KCNC3: variants seen among roughly 807,000 people sequenced by gnomAD.
KCNC3 encodes voltage-gated potassium channel KCNC3.
KCNC3 carries 22 observed loss-of-function variants against 43.9 expected under a neutral mutation model. The observed-to-expected ratio is 0.50, with a 90% CI of 0.36 to 0.72. The LOEUF (loss-of-function observed/expected upper bound fraction) is 0.72. Among genes scored for constraint, KCNC3 ranks in the 30% least tolerant of loss-of-function variants. KCNC3 has a pLI of 0.00. For synonymous variants in KCNC3, 492 were observed against 488.0 expected, an observed-to-expected ratio of 1.01 and a Z score of -0.11; for missense variants, 829 against 1,073.8, an observed-to-expected ratio of 0.77 and a Z score of 3.19.
At position 50,323,963 on chromosome 19, in the gene KCNC3, G is replaced by A. The variant is rs146772778; in HGVS notation, c.990C>T (p.Pro330=). 303 of 1,613,592 alleles carry A rather than the reference G, an allele frequency of 1.9e-4. No homozygotes were observed. The African/African-American group carries it at 2.1e-3, about 11-fold the overall frequency. ...NKTVTQASPI[P]GAPPENITNV... ...TGGTGATGTTCTCCGGAGGTGCCCC[G>A]GGGATCGGGGAGGCCTGGGTCACCG... The change falls in exon 2 of 5, where the codon CCC becomes CCT. Residue 330 remains proline, a synonymous_variant. Transcript: ENST00000477616.
In KCNC3 at chr19:50,315,384, ACTGGTCCCCTCAC is replaced by A. The variant is rs1430388407; in HGVS notation, c.*718_*730del. The A allele has an allele frequency of 6.6e-6, 1 of 151,358 alleles. No individual in the cohort carries two copies. The highest frequency in any genetic ancestry group is 2.4e-5 in the African/African-American group (1 of 41,022). 9.4% of individuals were successfully genotyped at this position (151,358 alleles called of 1,614,324 possible). A position where few individuals can be genotyped will look rare whatever the true frequency, so the allele number is the denominator to read the frequency against. On this transcript the variant is annotated 3_prime_UTR_variant, in exon 5 of 5. Transcript: ENST00000477616. The stretch of plus-strand genomic sequence containing the variant: ...CAGTCCACCGCCCTTCCCCCCCTCC[ACTGGTCCCCTCAC>A]CTGAGGCAAAAGGTGGGGGGCAGCA...
chr19:50,321,050 G>A (rs1006196152), intron 2 of KCNC3, among the ~76,000 whole-genome samples: 2 of 151,774 alleles, frequency 1.3e-5, no homozygotes, highest in Non-Finnish European at 2.9e-5. Context: ...GTTGGGAAGG[G>A]TGGTCTGGAC....
At chr19:50,326,324 C>G (rs892604787) in intron 1 of KCNC3, among the ~76,000 whole-genome samples, 4 of 152,260 alleles carry the variant, frequency 2.6e-5, no homozygotes, top group African/African-American at 4.8e-5. Context: ...AAGGGCGCCC[C>G]GGCCATGGGG....
At chr19:50,322,018 G>A (rs376293360) in intron 2 of KCNC3, among the ~76,000 whole-genome samples, 10 of 152,006 alleles carry the variant, frequency 6.6e-5, no homozygotes, top group African/African-American at 2.2e-4. Flanking sequence ...GATGGGAGGT[G>A]GGACGTGGGG....
At position 50,314,842 on chromosome 19, in the gene KCNC3, G is replaced by C; in HGVS notation, c.*1273C>G. 2.9e-6 allele frequency: 1 copy of C among 347,162 alleles called. No homozygotes were observed. 21.5% of individuals were successfully genotyped at this position (347,162 alleles called of 1,614,324 possible). A position where few individuals can be genotyped will look rare whatever the true frequency, so the allele number is the denominator to read the frequency against. ...GTCACCCCCGAGTCCCCCCACAGGG[G>C]GGAGGGGAGCGCTAAAGGATGGAGG... is the stretch of plus-strand genomic sequence containing the variant. On this transcript the variant is annotated 3_prime_UTR_variant, in exon 5 of 5. Transcript: ENST00000477616.
Position 50,315,862 on chromosome 19 carries a change from G to GGCT in KCNC3, c.*250_*252dup, listed in dbSNP as rs74823908. On this transcript the variant is annotated 3_prime_UTR_variant, in exon 5 of 5. Coordinates refer to ENST00000477616, the MANE Select transcript of KCNC3 (RefSeq NM_004977.3). ...TGTGTGTGGTTTCTGCAAAGCCTGG[G>GGCT]GCTGCCTGCAGGGTTCTGCACCCCC... 23,740 of 317,706 alleles carry GGCT rather than the reference G, an allele frequency of 0.075. 1,051 individuals are homozygous for GGCT. Among genetic ancestry groups the GGCT allele is most frequent in the Middle Eastern group, 0.096 (192 of 2,004 alleles). The allele number at this position is 317,706 out of a possible 1,614,324, so 19.7% of individuals were successfully genotyped here.
chr19:50,327,096 A>C (rs1006101923), intron 1 of KCNC3, among the ~76,000 whole-genome samples: 2 of 150,322 alleles, frequency 1.3e-5, no homozygotes, highest in South Asian at 4.3e-4. Context: ...TTAGACTAGG[A>C]AACGGGCTGT....
At position 50,328,767 on chromosome 19, in the gene KCNC3, G is replaced by C; in HGVS notation, c.316C>G (p.Leu106Val). Residue 106 changes from leucine (L) to valine (V), a missense_variant, in exon 1 of 5, where the codon CTG becomes GTG. This residue lies in a region of KCNC3 where 121 missense variants were observed against 247.4 expected (regional missense o/e 0.49). Transcript: ENST00000477616. ...AGCCGCGTCCCCGGCAGGGTGCGCA[G>C]CGTCGAGCGGTACGTCTCATGGCGC... Reference protein sequence around the residue: ...GVRHETYRSTLRTLPGTRLAG... With the variant: ...GVRHETYRSTVRTLPGTRLAG... 1 of 1,584,886 alleles carries C rather than the reference G, an allele frequency of 6.3e-7. No homozygotes were observed. The highest frequency in any genetic ancestry group is 8.6e-7 in the Non-Finnish European group (1 of 1,166,772).
Position 50,328,297 on chromosome 19 carries a change from G to C in KCNC3, c.786C>G (p.Gly262=). Residue 262 remains glycine (G), a synonymous_variant, in exon 1 of 5, where the codon GGC becomes GGG. Transcript: ENST00000477616. The part of the protein sequence containing the change: ...GGAGGPPGGA[G]GAGGTWWRRW... Reference sequence around the variant, plus strand: ...GGCGCCACCATGTGCCGCCCGCGCCGCCCGCGCCCCCTGGCGGCCCCCCGG... The same window carrying C: ...GGCGCCACCATGTGCCGCCCGCGCCCCCCGCGCCCCCTGGCGGCCCCCCGG... 3 of 1,159,442 alleles carry C rather than the reference G, an allele frequency of 2.6e-6. No homozygotes were observed. Among genetic ancestry groups the C allele is most frequent in the Non-Finnish European group, 3.2e-6 (3 of 945,616 alleles). The allele number at this position is 1,159,442 out of a possible 1,614,324, so 71.8% of individuals were successfully genotyped here.
In KCNC3 at chr19:50,323,253, G is replaced by A. The variant is rs763961794; in HGVS notation, c.1700C>T (p.Pro567Leu). Residue 567 changes from proline to leucine, a missense_variant, in exon 2 of 5, where the codon CCG becomes CTG. Around this residue, in one of 7 missense-constraint regions of KCNC3, gnomAD observed 308 missense variants for 276.2 expected, o/e 1.11. Coordinates refer to ENST00000477616, the MANE Select transcript of KCNC3 (RefSeq NM_004977.3). Reference sequence around the variant, plus strand: ...GCAGTAGTTGGGCGAGCCCGGTTGCGGGGGCCGGGGGATGTGTTTGTTCTT... The same window carrying A: ...GCAGTAGTTGGGCGAGCCCGGTTGCAGGGGCCGGGGGATGTGTTTGTTCTT... Reference protein sequence around the residue: ...KKKNKHIPRPPQPGSPNYCKP... With the variant: ...KKKNKHIPRPLQPGSPNYCKP... 19 of 1,600,746 alleles carry A rather than the reference G, an allele frequency of 1.2e-5. No homozygotes were observed. The highest frequency in any genetic ancestry group is 5.3e-5 in the African/African-American group (4 of 74,858).
chr19:50,325,925 G>A (rs1303097938), intron 1 of KCNC3, among the ~76,000 whole-genome samples: 1 of 152,002 alleles, frequency 6.6e-6, no homozygotes, highest in Non-Finnish European at 1.5e-5. Flanking sequence ...CACAGGGAAA[G>A]GTGGGCACCC....
At chr19:50,329,721 G>A (rs906004938), upstream of KCNC3, 7 of 152,526 alleles carry the variant, frequency 4.6e-5, no homozygotes, top group Non-Finnish European at 1.0e-4. Context: ...GGGAACTAGA[G>A]ATGGAGGACT....
chr19:50,317,279 G>C (rs2036969527), intron 4 of KCNC3, among the ~76,000 whole-genome samples: 1 of 152,060 alleles, frequency 6.6e-6, no homozygotes, highest in African/African-American at 2.4e-5. Context: ...TGGACTAGGA[G>C]CCCGGAAGCC....
At chr19:50,320,843 GCGGTGGGGCA>G in intron 2 of KCNC3, 59 bp from the exon 3 acceptor site, 8 of 1,532,954 alleles carry the variant, frequency 5.2e-6, no homozygotes, top group Non-Finnish European at 7.2e-6. Context: ...CGGTGAACAC[GCGGTGGGGCA>G]AGATGTCTGC....
Position 50,312,415 on chromosome 19 carries a change from G to A in KCNC3, c.*3700C>T, listed in dbSNP as rs1411171170. ...CCCTGGCCCGTGTCCGTGCGTTCCC[G>A]GAGCGCAGGAGGGGTGCGACATGCG... On this transcript the variant is annotated 3_prime_UTR_variant, in exon 5 of 5. Coordinates refer to ENST00000477616, the MANE Select transcript of KCNC3 (RefSeq NM_004977.3). The A allele has an allele frequency of 1.3e-5, 2 of 152,048 alleles. No homozygotes were observed. The highest frequency in any genetic ancestry group is 4.8e-5 in the African/African-American group (2 of 41,386). The allele number at this position is 152,048 out of a possible 1,614,324, so 9.4% of individuals were successfully genotyped here. A position where few individuals can be genotyped will look rare whatever the true frequency, so the allele number is the denominator to read the frequency against.
chr19:50,319,626 G>C (rs1191691023), intron 4 of KCNC3, among the ~76,000 whole-genome samples: 1 of 152,098 alleles, frequency 6.6e-6, no homozygotes, highest in Non-Finnish European at 1.5e-5. Context: ...CCATCCCCTG[G>C]GAGTTTCTAG....
chr19:50,321,474 TA>T (rs2037033053), intron 2 of KCNC3, among the ~76,000 whole-genome samples: 1 of 151,250 alleles, frequency 6.6e-6, no homozygotes, highest in African/African-American at 2.4e-5. Flanking sequence ...CCAAAAAAGA[TA>T]AAAGATAAAA....
At chr19:50,317,292 G>C (rs1043251330) in intron 4 of KCNC3, among the ~76,000 whole-genome samples, 2 of 152,044 alleles carry the variant, frequency 1.3e-5, no homozygotes, top group African/African-American at 4.8e-5. Flanking sequence ...CGGAAGCCTG[G>C]GGTCTCGGCC....
chr19:50,324,099 G>C lies in KCNC3; in HGVS notation c.871-17C>G. On this transcript the variant is annotated splice_polypyrimidine_tract_variant and intron_variant, in intron 1 of 4. Coordinates refer to ENST00000477616, the MANE Select transcript of KCNC3 (RefSeq NM_004977.3). This position sits in a 1 kb window ranked among gnomAD's most constrained non-coding sequence, Gnocchi z 4.1. ...GGCCACATACTGCAGGGCAGGGAGG[G>C]AGAGAGAGGGGGAGAGGTGACCTAG... The C allele has an allele frequency of 6.4e-7, 1 of 1,573,508 alleles. No homozygotes were observed. Among genetic ancestry groups the C allele is most frequent in the African/African-American group, 1.4e-5 (1 of 73,946 alleles).
Sources: allele counts gnomAD v4.1 joint callset (sites outside exome capture counted in the v4.1 genomes callset), GRCh38; gene constraint gnomAD v4.1.1; regional missense constraint gnomAD v4.1.1; non-coding constraint Gnocchi (gnomAD v3.1); transcripts MANE v1.5; gene names NCBI Gene and HGNC (gene_info 2026-07-23, HGNC 2026-07-21).